ZNF45: variants seen among roughly 807,000 people sequenced by gnomAD.
ZNF45 encodes BRC1744.
Under a neutral mutation model 12.0 loss-of-function variants are expected in ZNF45, and 4 were observed. The ratio of observed to expected loss-of-function variants is 0.33; its 90% CI spans 0.16 to 0.76. ZNF45 has a LOEUF of 0.76. ZNF45 is among the 30% of genes least tolerant of loss of function. ZNF45 has a pLI of 0.60. For synonymous variants in ZNF45, 272 were observed against 279.6 expected, an observed-to-expected ratio of 0.97 and a Z score of 0.27; for missense variants, 700 against 813.0, an observed-to-expected ratio of 0.86 and a Z score of 1.69.
intron 3 of ZNF45, among the ~76,000 whole-genome samples, chr19:43,930,561 G>A (rs1974054766): frequency 6.6e-6 from 1 of 152,126 alleles, no homozygotes; most frequent in Non-Finnish European, 1.5e-5. Flanking sequence ...GAAACCAGGG[G>A]CATGGCTCTG....
At chr19:43,922,268 T>C in intron 6 of ZNF45, 51 bp from the exon 7 acceptor site, 1 of 1,357,626 alleles carries the variant, frequency 7.4e-7, no homozygotes, top group Non-Finnish European at 1.0e-6. Context: ...GCCATGAGAG[T>C]TTGGCCAAAA....
At chr19:43,917,905 G>T (rs1413372008) in intron 9 of ZNF45, among the ~76,000 whole-genome samples, 2 of 152,042 alleles carry the variant, frequency 1.3e-5, no homozygotes, top group East Asian at 3.9e-4. Context: ...TGATATGTTA[G>T]GCCCTTATTA....
rs1973587287 is a variant in ZNF45, at chr19:43,925,313, TAA to T, written c.-266+10_-266+11del. On this transcript the variant is annotated intron_variant, in intron 4 of 9. Coordinates refer to ENST00000269973, the MANE Select transcript of ZNF45 (RefSeq NM_003425.4). ...GTTTGTTATAGCAGCACAAATGGAC[TAA>T]GGCACTCACGGAGTCTGCAGCTTCA... 6.6e-6 allele frequency: 1 copy of T among 152,222 alleles called. No individual in the cohort carries two copies. Among genetic ancestry groups the T allele is most frequent in the Admixed American group, 6.5e-5 (1 of 15,270 alleles). 9.4% of individuals were successfully genotyped at this position (152,222 alleles called of 1,614,324 possible).
rs756350135 is a variant in ZNF45, at chr19:43,922,181, G to C, written c.5C>G (p.Thr2Arg). 1 of 1,609,186 alleles carries C rather than the reference G, an allele frequency of 6.2e-7. No homozygotes were observed. Among genetic ancestry groups the C allele is most frequent in the Non-Finnish European group, 8.5e-7 (1 of 1,176,672 alleles). The change falls in exon 7 of 10, where the codon ACG becomes AGG. Residue 2 changes from threonine (T) to arginine (R), a missense_variant. Coordinates refer to ENST00000269973, the MANE Select transcript of ZNF45 (RefSeq NM_003425.4). Reference sequence around the variant, plus strand: ...GGAGGTCCAACTCACCTTAGACTTCGTCATTTTGTCCTCCTCCTTCTGGAG... The same window carrying C: ...GGAGGTCCAACTCACCTTAGACTTCCTCATTTTGTCCTCCTCCTTCTGGAG... M[T>R]KSKEAVTFKD...
Position 43,918,955 on chromosome 19 carries a change from C to T in ZNF45, c.150G>A (p.Gln50=). 1 of 1,614,034 alleles carries T rather than the reference C, an allele frequency of 6.2e-7. No homozygotes were observed. The highest frequency in any genetic ancestry group is 1.3e-5 in the African/African-American group (1 of 75,024). ...NFRNVVSVGH[Q]STPDGLPQLE... is the part of the protein sequence containing the mutation. ...ACTGTGGTAGGCCATCTGGTGTGGA[C>T]TGATGCCCTGTGAAAAGGCAAGGAC... Residue 50 remains glutamine, a synonymous_variant, in exon 9 of 10, where the codon CAG becomes CAA. Coordinates refer to ENST00000269973, the MANE Select transcript of ZNF45 (RefSeq NM_003425.4).
chr19:43,931,565 A>G (rs137982514), intron 3 of ZNF45, among the ~76,000 whole-genome samples: 41 of 151,854 alleles, frequency 2.7e-4, no homozygotes, highest in African/African-American at 9.4e-4. Context: ...ATATATATAT[A>G]CCTTTGCTCC....
intron 6 of ZNF45, among the ~76,000 whole-genome samples, chr19:43,922,831 T>G (rs898524422): frequency 2.0e-4 from 29 of 142,224 alleles, no homozygotes; most frequent in Admixed American, 1.4e-4. Flanking sequence ...TTTTTTTTTT[T>G]TTTTTTTTTT....
chr19:43,914,368 T>G lies in ZNF45; in HGVS notation c.1068A>C (p.Gly356=), dbSNP rs1464473833. Residue 356 remains glycine, a synonymous_variant, in exon 10 of 10, where the codon GGA becomes GGC. Coordinates refer to ENST00000269973, the MANE Select transcript of ZNF45 (RefSeq NM_003425.4). ...ACTCCTCACACTTATAGGGTTTCTCTCCTGTGTGGATTCTACAATGAATAT... is the reference window on the plus strand; with the variant it reads ...ACTCCTCACACTTATAGGGTTTCTCGCCTGTGTGGATTCTACAATGAATAT... ...HLNIHCRIHT[G]EKPYKCEECG... is the part of the protein sequence containing the mutation. 1 of 1,612,706 alleles carries G rather than the reference T, an allele frequency of 6.2e-7. No homozygotes were observed. The highest frequency in any genetic ancestry group is 1.1e-5 in the South Asian group (1 of 90,982).
intron 3 of ZNF45, among the ~76,000 whole-genome samples, chr19:43,929,315 G>T (rs1000200746): frequency 6.6e-6 from 1 of 152,236 alleles, no homozygotes; most frequent in Non-Finnish European, 1.5e-5. Context: ...CTCTCAGTGG[G>T]AAAGGATCCC....
At chr19:43,919,062 T>TA in intron 8 of ZNF45, 100 bp from the exon 9 acceptor site, 1 of 958,336 alleles carries the variant, frequency 1.0e-6, no homozygotes, top group East Asian at 2.5e-5. Context: ...ACATCAAACT[T>TA]AGTGTTTTCC....
rs540949082 is a variant in ZNF45 at position 43,934,304 on chromosome 19, C to T, written c.-487+122G>A. 2.6e-5 allele frequency: 4 copies of T among 152,266 alleles called. No individual in the cohort carries two copies. In the South Asian group the frequency reaches 8.3e-4, roughly 32 times the overall value. The allele number at this position is 152,266 out of a possible 1,614,324, so 9.4% of individuals were successfully genotyped here. The stretch of plus-strand genomic sequence containing the variant: ...TTCAGTGTGTTAGTTTTTATAAAGC[C>T]CTCAGAGTGATACTCAGCACCCAAT... On this transcript the variant is annotated intron_variant, in intron 2 of 9. Coordinates refer to ENST00000269973, the MANE Select transcript of ZNF45 (RefSeq NM_003425.4).
chr19:43,929,535 A>G lies in ZNF45; in HGVS notation c.-400+3069T>C, dbSNP rs374240652. On this transcript the variant is annotated intron_variant, in intron 3 of 9. Coordinates refer to ENST00000269973, the MANE Select transcript of ZNF45 (RefSeq NM_003425.4). ...AGTTCCTTTCTCTGTCTGCTTCCTG[A>G]CCCTTGCCTGTAGTGGGCTTCATGT... 2.3e-4 allele frequency among the ~76,000 whole-genome samples: 35 copies of G among 152,142 alleles called. No homozygotes were observed. The East Asian group carries it at 4.4e-3, about 19-fold the overall frequency.
In ZNF45 at chr19:43,922,058, G is replaced by T. The variant is rs530102585; in HGVS notation, c.15+113C>A. 5 of 1,060,868 alleles carry T rather than the reference G, an allele frequency of 4.7e-6. No individual in the cohort carries two copies. The South Asian group carries it at 8.5e-5, about 18-fold the overall frequency. The allele number at this position is 1,060,868 out of a possible 1,614,324, so 65.7% of individuals were successfully genotyped here. A position where few individuals can be genotyped will look rare whatever the true frequency, so the allele number is the denominator to read the frequency against. Reference sequence around the variant, plus strand: ...AGCAGCAAGCATTTGGCACACAAGAGGTTCTCAAATGTCTACCGTTCTCCT... The same window carrying T: ...AGCAGCAAGCATTTGGCACACAAGATGTTCTCAAATGTCTACCGTTCTCCT... On this transcript the variant is annotated intron_variant, in intron 7 of 9. Transcript: ENST00000269973.
chr19:43,913,427 T>C lies in ZNF45; in HGVS notation c.2009A>G (p.Asp670Gly). 1 of 1,572,840 alleles carries C rather than the reference T, an allele frequency of 6.4e-7. No homozygotes were observed. Among genetic ancestry groups the C allele is most frequent in the African/African-American group, 1.4e-5 (1 of 73,634 alleles). Reference sequence around the variant, plus strand: ...GTGTGAATCCTCTGATGAAGGAAAGTCCTTGTCACCCTCATCATCAGCATG... The same window carrying C: ...GTGTGAATCCTCTGATGAAGGAAAGCCCTTGTCACCCTCATCATCAGCATG... ...RVHADDEGDK[D>G]FPSSEDSHRK... The change falls in exon 10 of 10, where the codon GAC becomes GGC. Residue 670 changes from aspartate (D) to glycine (G), a missense_variant. By Grantham distance (94) the Asp-to-Gly change is moderately conservative (BLOSUM62 -1). Coordinates refer to ENST00000269973, the MANE Select transcript of ZNF45 (RefSeq NM_003425.4).
At chr19:43,933,181 A>G (rs930327758) in intron 2 of ZNF45, among the ~76,000 whole-genome samples, 13 of 152,158 alleles carry the variant, frequency 8.5e-5, no homozygotes, top group African/African-American at 2.9e-4. Context: ...TATATAAACG[A>G]TTAGTGAGGC....
At chr19:43,922,133 G>A in intron 7 of ZNF45, 38 bp downstream of exon 7, 1 of 1,605,042 alleles carries the variant, frequency 6.2e-7, no homozygotes, top group Non-Finnish European at 8.5e-7. Context: ...TCCGAAATGA[G>A]ATGACAATTA....
intron 3 of ZNF45, among the ~76,000 whole-genome samples, chr19:43,929,169 G>A (rs941045611): frequency 4.6e-5 from 7 of 152,146 alleles, no homozygotes; most frequent in South Asian, 2.1e-4. Context: ...GTTCTTAACC[G>A]CTCGACAGTG....
Position 43,914,248 on chromosome 19 carries a change from G to A in ZNF45, c.1188C>T (p.Gly396=). The A allele has an allele frequency of 1.9e-6, 3 of 1,613,664 alleles. No individual in the cohort carries two copies. Among genetic ancestry groups the A allele is most frequent in the Non-Finnish European group, 2.5e-6 (3 of 1,179,710 alleles). ...CCAGCAGATTTGAGGCCCGGCAGAA[G>A]CCTTTCCCACACTCCTCACATTTGT... The part of the protein sequence containing the change: ...KPYKCEECGK[G]FCRASNLLDH... Residue 396 remains glycine, a synonymous_variant, in exon 10 of 10, where the codon GGC becomes GGT. Coordinates refer to ENST00000269973, the MANE Select transcript of ZNF45 (RefSeq NM_003425.4).
intron 7 of ZNF45, among the ~76,000 whole-genome samples, chr19:43,920,959 C>T (rs759980716): frequency 2.0e-5 from 3 of 152,130 alleles, no homozygotes; most frequent in Non-Finnish European, 4.4e-5. Context: ...TGGAGCCCTG[C>T]ACATTCAGGT....
Sources: gnomAD v4.1 joint callset for allele counts (sites outside exome capture counted in the v4.1 genomes callset) on GRCh38, gnomAD v4.1.1 for gene constraint, MANE v1.5 for transcripts, NCBI Gene and HGNC (gene_info 2026-07-23, HGNC 2026-07-21) for gene names.